Variants in MAP7D3 observed in about 807,000 individuals in gnomAD.
MAP7D3 encodes MAP7 domain containing 3, also known as MAP7 domain-containing protein 3.
In MAP7D3, 45 loss-of-function variants were observed where a neutral mutation model predicts 62.2. The observed-to-expected ratio is 0.72, with a 90% CI of 0.57 to 0.93. The LOEUF (loss-of-function observed/expected upper bound fraction) is 0.93. Ranked by LOEUF, MAP7D3 falls within the 40% of genes least tolerant of loss-of-function variation. The probability of loss-of-function intolerance (pLI) is 0.00; values close to 1 mark genes in which losing one functional copy is unlikely to be tolerated. For missense variants in MAP7D3, 711 were observed against 683.1 expected (o/e 1.04, Z -0.45); for synonymous variants, 288 against 248.8 (o/e 1.16, Z -1.48).
intron 6 of MAP7D3, 30 bp from the exon 7 acceptor site, chrX:136,236,369 T>C (rs1725553390): frequency 1.1e-6 from 1 of 922,631 alleles, no homozygotes; most frequent in Non-Finnish European, 1.5e-6. Context: ...GGAATATTAG[T>C]TTTCATAAAC....
chrX:136,236,382 CTAAT>C, intron 6 of MAP7D3, 43 bp from the exon 7 acceptor site: 1 of 786,205 alleles, frequency 1.3e-6, no homozygotes, highest in Non-Finnish European at 1.9e-6. Flanking sequence ...TCATAAACTA[CTAAT>C]TATCTCAGGA....
Position 136,232,289 on chromosome X carries a change from C to A in MAP7D3, c.737-69G>T, listed in dbSNP as rs1241091505. On this transcript the variant is annotated intron_variant, in intron 7 of 18. Coordinates refer to ENST00000316077, the MANE Select transcript of MAP7D3 (RefSeq NM_024597.4). ...ACAAGAAAAGGATGCACCAGGTACA[C>A]AGTATAAGAACAGGAACACAGAAAA... 9.6e-6 allele frequency: 7 copies of A among 728,107 alleles called. No individual in the cohort carries two copies. The Admixed American group carries it at 1.9e-4, about 20-fold the overall frequency. The allele number at this position is 728,107 out of a possible 1,213,427, so 60.0% of individuals were successfully genotyped here.
At chrX:136,233,635 TAA>T (rs151267120) in intron 7 of MAP7D3, among the ~76,000 whole-genome samples, 137 of 30,584 alleles carry the variant, frequency 4.5e-3, no homozygotes, top group Middle Eastern at 0.028. Context: ...TAAATTAAAC[TAA>T]AAAAAAAAAA....
intron 11 of MAP7D3, among the ~76,000 whole-genome samples, chrX:136,227,961 G>A (rs2074218289): frequency 8.9e-6 from 1 of 111,963 alleles, no homozygotes; most frequent in African/African-American, 3.2e-5. Context: ...GAAAATGTGT[G>A]ATTATTTCAA....
intron 15 of MAP7D3, among the ~76,000 whole-genome samples, chrX:136,221,499 G>C (rs746066652): frequency 2.7e-5 from 3 of 111,276 alleles, no homozygotes; most frequent in Non-Finnish European, 5.7e-5. Flanking sequence ...CTAATTTTTT[G>C]TATTTTTAGT....
chrX:136,216,310 A>G (rs1205229441), downstream of MAP7D3, among the ~76,000 whole-genome samples: 1 of 87,753 alleles, frequency 1.1e-5, no homozygotes, highest in Non-Finnish European at 2.2e-5. Flanking sequence ...AGATCACTTG[A>G]GGCCAGGAGT....
chrX:136,251,948 T>C (rs1269710686), upstream of MAP7D3, among the ~76,000 whole-genome samples: 2 of 112,035 alleles, frequency 1.8e-5, no homozygotes, highest in African/African-American at 6.5e-5. Context: ...GGGTGAAATA[T>C]CTTTAAGATG....
upstream of MAP7D3, among the ~76,000 whole-genome samples, chrX:136,255,454 C>T (rs976127281): frequency 9.0e-6 from 1 of 111,257 alleles, no homozygotes; most frequent in Non-Finnish European, 1.9e-5. Flanking sequence ...TTCAATTAAT[C>T]TTTTATTAAC....
Position 136,232,138 on chromosome X carries a change from CAT to C in MAP7D3, c.817_818del (p.Met273ValfsTer59). 8.3e-7 allele frequency: 1 copy of C among 1,207,162 alleles called. No individual in the cohort carries two copies. Among genetic ancestry groups the C allele is most frequent in the African/African-American group, 1.7e-5 (1 of 57,722 alleles). On this transcript the variant is annotated frameshift_variant, in exon 8 of 19. Transcript: ENST00000316077. LOFTEE classifies it high-confidence loss of function. ...KCTSDELRAVMFPMSTMKIPP... is the reference protein window; with the variant it reads ...KCTSDELRAVXFPMSTMKIPP... ...GTATTTTCATTGTCGACATGGGAAA[CAT>C]AACAGCCCTCAATTCGTCGCTAGTA...
intron 6 of MAP7D3, among the ~76,000 whole-genome samples, chrX:136,240,096 C>A (rs374361745): frequency 2.1e-4 from 23 of 109,180 alleles, no homozygotes; most frequent in African/African-American, 7.7e-4. Flanking sequence ...GTAATTCCAG[C>A]TACTTGGGAG....
intron 17 of MAP7D3, 40 bp from the exon 18 acceptor site, chrX:136,219,535 CT>C (rs2074098696): frequency 8.5e-7 from 1 of 1,172,318 alleles, no homozygotes; most frequent in Non-Finnish European, 1.2e-6. Flanking sequence ...TTCTGTGTGA[CT>C]TAAACAATGT....
At chrX:136,228,935 A>C in intron 10 of MAP7D3, 177 bp from the exon 11 acceptor site, 2 of 292,365 alleles carry the variant, frequency 6.8e-6, no homozygotes, top group Non-Finnish European at 1.2e-5. Flanking sequence ...CTGCACCCCC[A>C]ACAACAGCAG....
chrX:136,237,270 T>G (rs1481185511), intron 6 of MAP7D3, among the ~76,000 whole-genome samples: 1 of 112,507 alleles, frequency 8.9e-6, no homozygotes. Context: ...CAGAGGTGGT[T>G]AGATCATGTG....
chrX:136,237,102 T>C (rs2074338259), intron 6 of MAP7D3, among the ~76,000 whole-genome samples: 1 of 112,812 alleles, frequency 8.9e-6, no homozygotes, highest in African/African-American at 3.2e-5. Flanking sequence ...ATGTAGACAC[T>C]TTCATTTCAC....
At chrX:136,227,234 A>C (rs1460652103) in intron 12 of MAP7D3, 50 bp downstream of exon 12, 1 of 1,160,561 alleles carries the variant, frequency 8.6e-7, no homozygotes, top group South Asian at 1.9e-5. Context: ...GTTCCATCTG[A>C]ACTTTATAAT....
At chrX:136,252,506 G>A (rs1174837298), upstream of MAP7D3, among the ~76,000 whole-genome samples, 2 of 104,301 alleles carry the variant, frequency 1.9e-5, no homozygotes, top group African/African-American at 3.5e-5. Context: ...GTGAAACTCC[G>A]ACTCTACTAA....
intron 1 of MAP7D3, 119 bp from the exon 2 acceptor site, chrX:136,246,460 T>C (rs2074450220): frequency 4.1e-6 from 2 of 486,766 alleles, no homozygotes; most frequent in East Asian, 7.4e-5. Context: ...CTATAAATCA[T>C]GACTGATTTC....
intron 6 of MAP7D3, among the ~76,000 whole-genome samples, chrX:136,236,798 G>C (rs1448518245): frequency 8.1e-5 from 9 of 111,758 alleles, no homozygotes; most frequent in Non-Finnish European, 1.5e-4. Flanking sequence ...AAAGATATTT[G>C]TTCTTAACAT....
upstream of MAP7D3, among the ~76,000 whole-genome samples, chrX:136,252,675 T>C (rs2074525519): frequency 7.1e-5 from 1 of 14,180 alleles, no homozygotes; most frequent in Non-Finnish European, 1.2e-4. Flanking sequence ...AGACTCTGTC[T>C]CAAAAAAAAA....
Sources: allele counts gnomAD v4.1 joint callset (sites outside exome capture counted in the v4.1 genomes callset), GRCh38; gene constraint gnomAD v4.1.1; transcripts MANE v1.5; gene names NCBI Gene and HGNC (gene_info 2026-07-23, HGNC 2026-07-21).